Variants in SENP1 observed in about 807,000 individuals in gnomAD.
SENP1 encodes the protein SUMO specific peptidase 1.
In SENP1, 21 loss-of-function variants were observed where a neutral mutation model predicts 93.0. The observed-to-expected ratio is 0.23, with a 90% confidence interval of 0.16 to 0.33. SENP1 has a LOEUF of 0.33. SENP1 is among the 10% of genes least tolerant of loss of function. The pLI, the probability that SENP1 is intolerant of heterozygous loss-of-function variation, is 1.00. For synonymous variants in SENP1, 256 were observed against 259.6 expected (o/e 0.99, Z 0.13); for missense variants, 591 against 758.7 (o/e 0.78, Z 2.60).
At chr12:48,090,361 T>C (rs1945139813) in intron 4 of SENP1, among the ~76,000 whole-genome samples, 1 of 152,162 alleles carries the variant, frequency 6.6e-6, no homozygotes, top group Admixed American at 6.5e-5. Flanking sequence ...CTGTCAAAAA[T>C]GCAAATTACC....
At chr12:48,083,565 T>C (rs1565789170) in intron 6 of SENP1, 26 bp downstream of exon 6, 2 of 1,598,558 alleles carry the variant, frequency 1.3e-6, no homozygotes, top group African/African-American at 1.3e-5. Context: ...TAACTTTTAG[T>C]AGCTTTTGTC....
At chr12:48,074,007 G>A (rs1234395529) in intron 8 of SENP1, among the ~76,000 whole-genome samples, 1 of 152,192 alleles carries the variant, frequency 6.6e-6, no homozygotes, top group Admixed American at 6.5e-5. Flanking sequence ...TGTCTTACAA[G>A]TTCAGTATCC....
At chr12:48,074,958 G>A (rs1943963405) in intron 6 of SENP1, among the ~76,000 whole-genome samples, 165 bp from the exon 7 acceptor site, 1 of 152,088 alleles carries the variant, frequency 6.6e-6, no homozygotes, top group South Asian at 2.1e-4. Context: ...TGTAATTCCA[G>A]CACTTTGGGA....
intron 8 of SENP1, among the ~76,000 whole-genome samples, chr12:48,073,182 T>G (rs911881121): frequency 6.6e-6 from 1 of 152,192 alleles, no homozygotes; most frequent in African/African-American, 2.4e-5. Flanking sequence ...AGGAAAGTAA[T>G]TAAACAGTGC....
chr12:48,100,842 G>GGCCCT (rs1027230776), intron 2 of SENP1, among the ~76,000 whole-genome samples: 1 of 152,136 alleles, frequency 6.6e-6, no homozygotes, highest in African/African-American at 2.4e-5. Context: ...TTGTAAGATG[G>GGCCCT]TTATAAGGAT....
chr12:48,088,869 C>T lies in SENP1; in HGVS notation c.312G>A (p.Ser104=), dbSNP rs202182184. The change falls in exon 5 of 18, where the codon TCG becomes TCA. Residue 104 remains serine, a synonymous_variant. Coordinates refer to ENST00000549518, the MANE Select transcript of SENP1 (RefSeq NM_001267594.2). Reference sequence around the variant, plus strand: ...TTGATTTTTGTAAAGATGAGCTTGACGATGGGGTAGAATTTCTCCATTGGC... The same window carrying T: ...TTGATTTTTGTAAAGATGAGCTTGATGATGGGGTAGAATTTCTCCATTGGC... ...ANGQWRNSTP[S]SSSSLQKSRN... The T allele has an allele frequency of 6.2e-6, 10 of 1,605,322 alleles. No individual in the cohort carries two copies. The South Asian group carries it at 9.0e-5, about 14-fold the overall frequency.
chr12:48,059,640 T>C (rs1252462802), intron 13 of SENP1, among the ~76,000 whole-genome samples: 1 of 152,164 alleles, frequency 6.6e-6, no homozygotes, highest in Non-Finnish European at 1.5e-5. Flanking sequence ...CATTTCTAGT[T>C]GGATGCTGGA....
chr12:48,096,531 C>T (rs1945572593), intron 3 of SENP1, 104 bp from the exon 4 acceptor site: 7 of 659,712 alleles, frequency 1.1e-5, no homozygotes, highest in Non-Finnish European at 1.9e-5. Flanking sequence ...TCTCTGCTCA[C>T]TGCAACCTCC....
In SENP1 at chr12:48,091,215, G is replaced by A. The variant is rs1016680877; in HGVS notation, c.221-2255C>T. Among the ~76,000 whole-genome samples the A allele has an allele frequency of 5.9e-5, 9 of 152,154 alleles. No homozygotes were observed. In the South Asian group the frequency reaches 8.3e-4, roughly 14 times the overall value. The stretch of plus-strand genomic sequence containing the variant: ...CTGTAATCCCAACACTTTGGGAGGC[G>A]GAGGCAGGTGGATCACCTCAGGCCA... On this transcript the variant is annotated intron_variant, in intron 4 of 17. Coordinates refer to ENST00000549518, the MANE Select transcript of SENP1 (RefSeq NM_001267594.2).
intron 13 of SENP1, among the ~76,000 whole-genome samples, chr12:48,053,822 C>T (rs1942006801): frequency 6.6e-6 from 1 of 152,188 alleles, no homozygotes; most frequent in Non-Finnish European, 1.5e-5. Flanking sequence ...GTTTGTTCCT[C>T]ATTGGCCTTT....
chr12:48,056,351 AATATAT>A (rs372716803), intron 13 of SENP1, among the ~76,000 whole-genome samples: 25 of 83,436 alleles, frequency 3.0e-4, no homozygotes, highest in Middle Eastern at 0.019. Flanking sequence ...TATTACATAT[AATATAT>A]TATTTAATAT....
At chr12:48,078,334 T>TATATATATACAC in intron 6 of SENP1, among the ~76,000 whole-genome samples, 32 of 67,906 alleles carry the variant, frequency 4.7e-4, no homozygotes, top group Admixed American at 1.6e-3. Context: ...TATATATATA[T>TATATATATACAC]ACACACACAT....
chr12:48,074,489 A>G lies in SENP1; in HGVS notation c.775T>C (p.Leu259=), dbSNP rs377675540. The change falls in exon 8 of 18, where the codon TTA becomes CTA. Residue 259 remains leucine (L), a synonymous_variant. Coordinates refer to ENST00000549518, the MANE Select transcript of SENP1 (RefSeq NM_001267594.2). ...TGGGACAGCTGTTCCTGGTTAGTTA[A>G]AATGCTGGCAGATCCAGATGATGAA... ...DTSSSGSASI[L]TNQEQLSHSV... is the part of the protein sequence containing the mutation. 2.3e-4 allele frequency: 368 copies of G among 1,613,948 alleles called. No homozygotes were observed. Among genetic ancestry groups the G allele is most frequent in the Non-Finnish European group, 2.9e-4 (338 of 1,179,856 alleles).
intron 2 of SENP1, 123 bp downstream of exon 2, chr12:48,101,346 T>G: frequency 1.3e-6 from 1 of 761,248 alleles, no homozygotes; most frequent in Non-Finnish European, 2.1e-6. Context: ...GGATTAAAAT[T>G]TCTCTTAAAA....
chr12:48,050,164 T>C (rs1941689611), intron 13 of SENP1, among the ~76,000 whole-genome samples: 1 of 152,224 alleles, frequency 6.6e-6, no homozygotes, highest in Non-Finnish European at 1.5e-5. Flanking sequence ...ATGAATGGGC[T>C]AACTGATCCA....
intron 4 of SENP1, among the ~76,000 whole-genome samples, chr12:48,090,118 C>T (rs993746049): frequency 6.6e-6 from 1 of 152,148 alleles, no homozygotes; most frequent in Non-Finnish European, 1.5e-5. Flanking sequence ...AATTTACTTT[C>T]AAAATGAATT....
intron 1 of SENP1, among the ~76,000 whole-genome samples, chr12:48,103,308 G>A (rs1157663733): frequency 6.6e-6 from 1 of 152,100 alleles, no homozygotes; most frequent in Non-Finnish European, 1.5e-5. Context: ...TCACACAGAT[G>A]GGGCAAAAAG....
At chr12:48,053,075 C>T (rs891664348) in intron 13 of SENP1, among the ~76,000 whole-genome samples, 1 of 152,162 alleles carries the variant, frequency 6.6e-6, no homozygotes, top group African/African-American at 2.4e-5. Context: ...TGTTTCCTCT[C>T]TTTACTGAGC....
chr12:48,052,660 T>C (rs1941906134), intron 13 of SENP1, among the ~76,000 whole-genome samples: 1 of 152,182 alleles, frequency 6.6e-6, no homozygotes, highest in Non-Finnish European at 1.5e-5. Flanking sequence ...ACACAGAATT[T>C]TTCTTACATG....
Sources: allele counts gnomAD v4.1 joint callset (sites outside exome capture counted in the v4.1 genomes callset), GRCh38; gene constraint gnomAD v4.1.1; transcripts MANE v1.5; gene names NCBI Gene and HGNC (gene_info 2026-07-23, HGNC 2026-07-21).